The following ZSWIM5 variants were observed in gnomAD, a reference collection of about 807,000 sequenced individuals.
ZSWIM5 encodes the protein zinc finger SWIM domain-containing protein 5.
In ZSWIM5, 55 loss-of-function variants were observed where a neutral mutation model predicts 119.6. The ratio of observed to expected loss-of-function variants is 0.46; its 90% CI spans 0.37 to 0.58. The LOEUF is 0.58. Ranked by LOEUF, ZSWIM5 falls within the 20% of genes least tolerant of loss-of-function variation. The probability of loss-of-function intolerance (pLI) is 0.00; values close to 1 mark genes in which losing one functional copy is unlikely to be tolerated. For missense variants in ZSWIM5, 1,193 were observed against 1,512.8 expected, an observed-to-expected ratio of 0.79 and a Z score of 3.51; for synonymous variants, 537 against 606.9, an observed-to-expected ratio of 0.88 and a Z score of 1.69.
intron 1 of ZSWIM5, among the ~76,000 whole-genome samples, chr1:45,122,830 C>T (rs1255373840): frequency 6.6e-6 from 1 of 152,174 alleles, no homozygotes; most frequent in African/African-American, 2.4e-5. Context: ...GAAACCAAAC[C>T]CCCACCAAGG....
intron 4 of ZSWIM5, among the ~76,000 whole-genome samples, chr1:45,052,273 G>T (rs898792012): frequency 1.3e-5 from 2 of 151,978 alleles, no homozygotes; most frequent in Non-Finnish European, 2.9e-5. Context: ...TGATCCACTC[G>T]CCTTGGCCTC....
chr1:45,182,221 G>A (rs994868988), intron 1 of ZSWIM5, among the ~76,000 whole-genome samples: 32 of 152,104 alleles, frequency 2.1e-4, no homozygotes, highest in Admixed American at 1.9e-3. Context: ...TCGAGACCAC[G>A]GTGAAACCCC....
intron 11 of ZSWIM5, among the ~76,000 whole-genome samples, chr1:45,032,610 T>G (rs745631969): frequency 6.6e-6 from 1 of 151,612 alleles, no homozygotes; most frequent in African/African-American, 2.4e-5. Flanking sequence ...CACAGCCTCC[T>G]GAGTAGCTGG....
intron 1 of ZSWIM5, among the ~76,000 whole-genome samples, chr1:45,094,006 G>A (rs112631927): frequency 0.015 from 2,156 of 148,004 alleles, 66 homozygotes; most frequent in African/African-American, 0.052. Flanking sequence ...CACTATGCCT[G>A]GCTAATTTTT....
intron 1 of ZSWIM5, among the ~76,000 whole-genome samples, chr1:45,135,074 T>C (rs576103681): frequency 6.6e-6 from 1 of 152,278 alleles, no homozygotes; most frequent in South Asian, 2.1e-4. Flanking sequence ...CTTTGAATTC[T>C]TTTGGATATA....
At chr1:45,081,078 A>T (rs1006294549) in intron 2 of ZSWIM5, among the ~76,000 whole-genome samples, 3 of 152,198 alleles carry the variant, frequency 2.0e-5, no homozygotes, top group Non-Finnish European at 4.4e-5. Flanking sequence ...GTTAAAGAGA[A>T]AGGAGAAGGA....
chr1:45,066,275 A>G (rs910807796), intron 2 of ZSWIM5, among the ~76,000 whole-genome samples: 3 of 152,048 alleles, frequency 2.0e-5, no homozygotes, highest in African/African-American at 4.8e-5. Flanking sequence ...AGACATTTTC[A>G]TTTATTCAGC....
chr1:45,165,215 T>C (rs1336920103), intron 1 of ZSWIM5, among the ~76,000 whole-genome samples: 1 of 152,100 alleles, frequency 6.6e-6, no homozygotes, highest in Non-Finnish European at 1.5e-5. Context: ...CCTGAATGAC[T>C]ACTGGGTACA....
chr1:45,179,720 A>G (rs1646003950), intron 1 of ZSWIM5, among the ~76,000 whole-genome samples: 1 of 152,194 alleles, frequency 6.6e-6, no homozygotes, highest in Admixed American at 6.5e-5. Flanking sequence ...ATGGCATGGT[A>G]AACAGAATAA....
chr1:45,196,952 A>G (rs1646129352), intron 1 of ZSWIM5, among the ~76,000 whole-genome samples: 1 of 152,174 alleles, frequency 6.6e-6, no homozygotes, highest in Non-Finnish European at 1.5e-5. Context: ...TAGAGGTTAC[A>G]CACTTACTCT....
Position 45,019,030 on chromosome 1 carries a change from A to G in ZSWIM5, c.2982T>C (p.Gly994=), listed in dbSNP as rs761969706. The part of the protein sequence containing the change: ...YQIAIDAAAG[G]MTHSQLFTIA... Reference sequence around the variant, plus strand: ...TGGTGAACAGCTGTGAATGGGTCATACCACCAGCAGCAGCATCAATGGCAA... The same window carrying G: ...TGGTGAACAGCTGTGAATGGGTCATGCCACCAGCAGCAGCATCAATGGCAA... Residue 994 remains glycine (G), a synonymous_variant, in exon 14 of 14, where the codon GGT becomes GGC. Transcript: ENST00000359600. This position sits in a 1 kb window ranked among gnomAD's most constrained non-coding sequence, Gnocchi z 5.0. 6.2e-7 allele frequency: 1 copy of G among 1,614,180 alleles called. No individual in the cohort carries two copies. The highest frequency in any genetic ancestry group is 8.5e-7 in the Non-Finnish European group (1 of 1,180,032).
At chr1:45,033,667 A>C (rs1644965553) in intron 11 of ZSWIM5, among the ~76,000 whole-genome samples, 1 of 152,000 alleles carries the variant, frequency 6.6e-6, no homozygotes, top group Admixed American at 6.6e-5. Context: ...ACTTCATTAG[A>C]TCTTCCAGTG....
intron 1 of ZSWIM5, among the ~76,000 whole-genome samples, chr1:45,095,658 TA>T (rs1267018345): frequency 2.0e-5 from 3 of 152,214 alleles, no homozygotes; most frequent in African/African-American, 7.2e-5. Flanking sequence ...AGGAGACATA[TA>T]ACGCCTGATT....
chr1:45,206,306 C>T lies in ZSWIM5; in HGVS notation c.45G>A (p.Pro15=), dbSNP rs748994193. Residue 15 remains proline, a synonymous_variant, in exon 1 of 14, where the codon CCG becomes CCA. Transcript: ENST00000359600. ...AACACTGCCGCTTAGCCGGAGAGAC[C>T]GGTGACGGCGAGAGCAGCTCCTCTC... ...GEREELLSPS[P]VSPAKRQCSW... 3.2e-6 allele frequency: 5 copies of T among 1,544,610 alleles called. No homozygotes were observed. Among genetic ancestry groups the T allele is most frequent in the Non-Finnish European group, 4.4e-6 (5 of 1,145,804 alleles).
intron 2 of ZSWIM5, among the ~76,000 whole-genome samples, chr1:45,062,278 T>C (rs530970992): frequency 3.9e-5 from 6 of 152,320 alleles, no homozygotes; most frequent in Non-Finnish European, 7.4e-5. Flanking sequence ...CAGTTTGCCT[T>C]ACTCCTCGTC....
chr1:45,135,646 A>T (rs1046054889), intron 1 of ZSWIM5, among the ~76,000 whole-genome samples: 6 of 152,212 alleles, frequency 3.9e-5, no homozygotes, highest in African/African-American at 1.4e-4. Context: ...GTCTACTAAG[A>T]ATTAAGATTA....
At chr1:45,134,266 C>G (rs1645676627) in intron 1 of ZSWIM5, among the ~76,000 whole-genome samples, 1 of 151,706 alleles carries the variant, frequency 6.6e-6, no homozygotes, top group Admixed American at 6.6e-5. Context: ...TGCCTAGAAG[C>G]AAAACTAGTG....
In ZSWIM5 at chr1:45,206,482, A is replaced by G; in HGVS notation, c.-132T>C. On this transcript the variant is annotated 5_prime_UTR_variant, in exon 1 of 14. Coordinates refer to ENST00000359600, the MANE Select transcript of ZSWIM5 (RefSeq NM_020883.2). Reference sequence around the variant, plus strand: ...GGGGGGCGGGGCGAGAGAACCCGCGAGCCAGCCGGCCCGAGTGGGGAACCG... The same window carrying G: ...GGGGGGCGGGGCGAGAGAACCCGCGGGCCAGCCGGCCCGAGTGGGGAACCG... 2 of 1,176,668 alleles carry G rather than the reference A, an allele frequency of 1.7e-6. No individual in the cohort carries two copies. Among genetic ancestry groups the G allele is most frequent in the Non-Finnish European group, 2.1e-6 (2 of 953,370 alleles). The allele number at this position is 1,176,668 out of a possible 1,614,324, so 72.9% of individuals were successfully genotyped here.
chr1:45,205,265 CT>C (rs1227574073), intron 1 of ZSWIM5, among the ~76,000 whole-genome samples: 2 of 152,052 alleles, frequency 1.3e-5, no homozygotes, highest in African/African-American at 4.8e-5. Context: ...TTAAAACTGT[CT>C]GAAACATGCA....
Sources: gnomAD v4.1 joint callset for allele counts (sites outside exome capture counted in the v4.1 genomes callset) on GRCh38, gnomAD v4.1.1 for gene constraint, Gnocchi (gnomAD v3.1) non-coding constraint, MANE v1.5 for transcripts, NCBI Gene and HGNC (gene_info 2026-07-23, HGNC 2026-07-21) for gene names.